The following PARD3 variants were observed in gnomAD, a reference collection of about 807,000 sequenced individuals.
PARD3 encodes the protein par-3 family cell polarity regulator.
PARD3 carries 75 observed loss-of-function variants against 155.4 expected under a neutral mutation model. The observed-to-expected ratio is 0.48, with a 90% CI of 0.40 to 0.58. The LOEUF is 0.58. Among genes scored for constraint, PARD3 ranks in the 20% least tolerant of loss-of-function variants. PARD3 has a pLI of 0.00. For synonymous variants in PARD3, 576 were observed against 610.5 expected (o/e 0.94, Z 0.83); for missense variants, 1,642 against 1,721.7 (o/e 0.95, Z 0.82).
At position 34,605,549 on chromosome 10, in the gene PARD3, ATATATATCTCC is replaced by A. The variant is rs1306837985; in HGVS notation, c.223-88401_223-88391del. On this transcript the variant is annotated intron_variant, in intron 2 of 24. Transcript: ENST00000374788. ...CTATATATATCTCCTATATATATAT[ATATATATCTCC>A]TATATATATATATATCTCCTATATA... 1.4e-3 allele frequency among the ~76,000 whole-genome samples: 116 copies of A among 81,620 alleles called. 13 individuals carry two copies. The highest frequency in any genetic ancestry group is 4.1e-3 in the African/African-American group (41 of 10,056). The allele number at this position is 81,620 out of a possible 152,430, so 53.5% of individuals were successfully genotyped here.
chr10:34,574,450 C>T (rs1202859626), intron 2 of PARD3, among the ~76,000 whole-genome samples: 3 of 152,222 alleles, frequency 2.0e-5, no homozygotes, highest in Admixed American at 6.5e-5. Flanking sequence ...CTCCTCAGTG[C>T]TCCTGCTACC....
intron 1 of PARD3, among the ~76,000 whole-genome samples, chr10:34,765,182 C>T (rs1196203592): frequency 6.6e-6 from 1 of 152,130 alleles, no homozygotes; most frequent in Non-Finnish European, 1.5e-5. Flanking sequence ...TCCAATACTT[C>T]CGTCCAAAGA....
intron 15 of PARD3, among the ~76,000 whole-genome samples, chr10:34,342,834 T>C (rs74134109): frequency 0.016 from 2,391 of 152,294 alleles, 72 homozygotes; most frequent in African/African-American, 0.055. Context: ...AACTACACTA[T>C]TGTAGTAATA....
chr10:34,348,491 G>A (rs186525956), intron 14 of PARD3, among the ~76,000 whole-genome samples: 14 of 152,224 alleles, frequency 9.2e-5, no homozygotes, highest in South Asian at 8.3e-4. Context: ...TATAAAAGGC[G>A]TGCTTGATCA....
chr10:34,226,570 T>TTTCCCC (rs1952613587), intron 22 of PARD3, among the ~76,000 whole-genome samples: 1 of 152,210 alleles, frequency 6.6e-6, no homozygotes, highest in South Asian at 2.1e-4. Context: ...AGACAGACAA[T>TTTCCCC]AAGTAGTACT....
chr10:34,215,473 T>C (rs377172964), intron 22 of PARD3, among the ~76,000 whole-genome samples: 1 of 152,216 alleles, frequency 6.6e-6, no homozygotes, highest in African/African-American at 2.4e-5. Flanking sequence ...ATAGCACATA[T>C]GTTTCACAAG....
At chr10:34,663,427 T>C (rs1024266569) in intron 2 of PARD3, among the ~76,000 whole-genome samples, 8 of 151,698 alleles carry the variant, frequency 5.3e-5, no homozygotes, top group South Asian at 4.2e-4. Context: ...GATCGCACCA[T>C]TGCACTCCAG....
At chr10:34,124,572 C>G (rs1260857927) in intron 23 of PARD3, among the ~76,000 whole-genome samples, 1 of 152,096 alleles carries the variant, frequency 6.6e-6, no homozygotes, top group South Asian at 2.1e-4. Context: ...CCCAGCCTTC[C>G]GCACCCACCC....
rs548030538 is a variant in PARD3, at chr10:34,550,120, G to A, written c.223-32961C>T. Among the ~76,000 whole-genome samples, 20 of 152,202 alleles carry A rather than the reference G, an allele frequency of 1.3e-4. No individual in the cohort carries two copies. The South Asian group carries it at 3.5e-3, about 27-fold the overall frequency. On this transcript the variant is annotated intron_variant, in intron 2 of 24. Coordinates refer to ENST00000374788, the MANE Select transcript of PARD3 (RefSeq NM_001184785.2). ...CTGGTTGATTCTTTCACAAACATCCGGAGCACATGAATGTGCGAGGTAGGG... is the reference window on the plus strand; with the variant it reads ...CTGGTTGATTCTTTCACAAACATCCAGAGCACATGAATGTGCGAGGTAGGG...
At chr10:34,332,046 T>C (rs571684954) in intron 18 of PARD3, among the ~76,000 whole-genome samples, 8 of 152,112 alleles carry the variant, frequency 5.3e-5, no homozygotes, top group Non-Finnish European at 1.0e-4. Flanking sequence ...TGGATATGAG[T>C]ACTTCTATCT....
chr10:34,676,689 A>C (rs2093714191), intron 2 of PARD3, among the ~76,000 whole-genome samples: 1 of 152,222 alleles, frequency 6.6e-6, no homozygotes, highest in African/African-American at 2.4e-5. Context: ...GTTTTGGCAG[A>C]GATCTCTAGG....
At chr10:34,510,043 G>C (rs1299544022) in intron 3 of PARD3, among the ~76,000 whole-genome samples, 2 of 152,170 alleles carry the variant, frequency 1.3e-5, no homozygotes, top group African/African-American at 4.8e-5. Flanking sequence ...TTCTGACAAA[G>C]GATCACTAAT....
intron 19 of PARD3, among the ~76,000 whole-genome samples, chr10:34,319,690 C>A (rs779568419): frequency 3.3e-5 from 5 of 152,152 alleles, no homozygotes; most frequent in Non-Finnish European, 5.9e-5. Context: ...TTATGTGCAG[C>A]CTTTTCAAAT....
chr10:34,141,844 A>G (rs1326256345), intron 22 of PARD3, among the ~76,000 whole-genome samples: 1 of 152,172 alleles, frequency 6.6e-6, no homozygotes, highest in East Asian at 1.9e-4. Flanking sequence ...GATCTTACCT[A>G]GTGTCACAAA....
intron 1 of PARD3, among the ~76,000 whole-genome samples, chr10:34,768,676 C>G (rs1046471844): frequency 2.0e-5 from 3 of 152,202 alleles, no homozygotes; most frequent in African/African-American, 7.2e-5. Flanking sequence ...TTACTCAACA[C>G]TCTGAGGGTG....
chr10:34,219,947 T>C (rs1952193541), intron 22 of PARD3, among the ~76,000 whole-genome samples: 2 of 152,348 alleles, frequency 1.3e-5, no homozygotes, highest in South Asian at 4.1e-4. Flanking sequence ...TGTCATTTCA[T>C]GACCTTTTTG....
intron 2 of PARD3, among the ~76,000 whole-genome samples, chr10:34,517,879 T>C (rs1022724036): frequency 5.3e-5 from 8 of 152,084 alleles, no homozygotes; most frequent in African/African-American, 1.9e-4. Flanking sequence ...TGTTTGTTTG[T>C]TTGTTTTGTT....
intron 2 of PARD3, among the ~76,000 whole-genome samples, chr10:34,640,565 C>A (rs976043610): frequency 6.6e-6 from 1 of 151,706 alleles, no homozygotes; most frequent in African/African-American, 2.4e-5. Flanking sequence ...CAAAAATTAG[C>A]TGGGCATGGT....
At chr10:34,772,564 G>A (rs968976341) in intron 1 of PARD3, among the ~76,000 whole-genome samples, 2 of 151,474 alleles carry the variant, frequency 1.3e-5, no homozygotes, top group Admixed American at 6.6e-5. Context: ...GGCTGAGGCG[G>A]GTGGATTACT....
Sources: gnomAD v4.1 joint callset for allele counts (sites outside exome capture counted in the v4.1 genomes callset) on GRCh38, gnomAD v4.1.1 for gene constraint, MANE v1.5 for transcripts, NCBI Gene and HGNC (gene_info 2026-07-23, HGNC 2026-07-21) for gene names.